SLC44A2: variants seen among roughly 807,000 people sequenced by gnomAD.
SLC44A2 encodes the protein solute carrier family 44 member 2 (CTL2 blood group), also known as choline transporter-like protein 2.
In SLC44A2, 57 loss-of-function variants were observed where a neutral mutation model predicts 90.8. The ratio of observed to expected loss-of-function variants is 0.63; its 90% CI spans 0.51 to 0.78. SLC44A2 has a LOEUF of 0.78. Among genes scored for constraint, SLC44A2 ranks in the 30% least tolerant of loss-of-function variants. The probability of loss-of-function intolerance (pLI) is 0.00; values close to 1 mark genes in which losing one functional copy is unlikely to be tolerated. For missense variants in SLC44A2, 794 were observed against 919.7 expected (o/e 0.86, Z 1.77); for synonymous variants, 355 against 360.7 (o/e 0.98, Z 0.18).
Position 10,637,721 on chromosome 19 carries a change from T to C in SLC44A2, c.1669T>C (p.Phe557Leu), listed in dbSNP as rs553168547. Residue 557 changes from phenylalanine (F) to leucine (L), a missense_variant, in exon 17 of 22, where the codon TTC (phenylalanine) becomes CTC (leucine). Phe to Leu is a conservative substitution (Grantham distance 22). Coordinates refer to ENST00000335757, the MANE Select transcript of SLC44A2 (RefSeq NM_020428.4). ...CTGGTGCCTGGAGAAGTTCATCAAATTCCTTAATAGGAATGCCTACATCAT... is the reference window on the plus strand; with the variant it reads ...CTGGTGCCTGGAGAAGTTCATCAAACTCCTTAATAGGAATGCCTACATCAT... ...CFWCLEKFIK[F>L]LNRNAYIMIA... 6 of 1,614,096 alleles carry C rather than the reference T, an allele frequency of 3.7e-6. No homozygotes were observed. The African/African-American group carries it at 8.0e-5, about 22-fold the overall frequency.
At chr19:10,602,459 C>G (rs1455513357), upstream of SLC44A2, 1 of 1,085,896 alleles carries the variant, frequency 9.2e-7, no homozygotes, top group South Asian at 4.3e-5. Context: ...GGCGCTGCAG[C>G]CCGCGGAGCC....
intron 10 of SLC44A2, among the ~76,000 whole-genome samples, chr19:10,632,906 A>G (rs968881550): frequency 7.9e-5 from 12 of 151,678 alleles, no homozygotes; most frequent in African/African-American, 2.9e-4. Flanking sequence ...TCCTGGCCTC[A>G]GGAGATCTGC....
At position 10,625,597 on chromosome 19, in the gene SLC44A2, G is replaced by A. The variant is rs902126201; in HGVS notation, c.-37G>A. On this transcript the variant is annotated 5_prime_UTR_variant, in exon 1 of 22. Transcript: ENST00000335757. ...GGGAGGGTCGAGGGGGCGCGGGAGA[G>A]AGCGCGGGCGGCCGCCGGGGCTGGT... The A allele has an allele frequency of 9.7e-6, 12 of 1,242,130 alleles. No individual in the cohort carries two copies. Among genetic ancestry groups the A allele is most frequent in the Non-Finnish European group, 1.1e-5 (11 of 989,676 alleles). 76.9% of individuals were successfully genotyped at this position (1,242,130 alleles called of 1,614,324 possible).
chr19:10,604,800 C>T (rs573817367), intron 1 of SLC44A2, among the ~76,000 whole-genome samples: 3 of 152,214 alleles, frequency 2.0e-5, no homozygotes, highest in African/African-American at 4.8e-5. Flanking sequence ...ATGGCTTTCC[C>T]GTGAGCTGAT....
At chr19:10,611,891 A>T (rs139004402) in intron 1 of SLC44A2, among the ~76,000 whole-genome samples, 3 of 152,114 alleles carry the variant, frequency 2.0e-5, no homozygotes, top group African/African-American at 7.2e-5. Context: ...TGGCAGGGGG[A>T]CTAAAAGCTA....
intron 21 of SLC44A2, chr19:10,643,045 C>T (rs2067135551): frequency 6.7e-7 from 1 of 1,494,940 alleles, no homozygotes; most frequent in African/African-American, 1.4e-5. Context: ...GCGTGGGGGC[C>T]AGGTTTCCTC....
chr19:10,622,982 G>A (rs2066903580), upstream of SLC44A2, among the ~76,000 whole-genome samples: 1 of 152,234 alleles, frequency 6.6e-6, no homozygotes, highest in South Asian at 2.1e-4. Flanking sequence ...TCACATAGGT[G>A]TGCAGCTCAG....
In SLC44A2 at chr19:10,643,387, G is replaced by A. The variant is rs2067139234; in HGVS notation, c.*2G>A. On this transcript the variant is annotated 3_prime_UTR_variant, in exon 22 of 22. Coordinates refer to ENST00000335757, the MANE Select transcript of SLC44A2 (RefSeq NM_020428.4). ...AACAAGAAGGCAGCGGAGTCCTGAA[G>A]GCCCCGTGCTCCCCACCTCTCAAGG... 1.2e-6 allele frequency: 2 copies of A among 1,607,578 alleles called. No homozygotes were observed. The highest frequency in any genetic ancestry group is 2.7e-5 in the African/African-American group (2 of 74,908).
intron 21 of SLC44A2, 29 bp downstream of exon 21, chr19:10,642,480 T>A: frequency 1.9e-6 from 3 of 1,604,888 alleles, no homozygotes; most frequent in Non-Finnish European, 2.6e-6. Context: ...CAAACCTTGC[T>A]GGGCCCCGAA....
At chr19:10,642,598 T>A (rs1413924285) in intron 21 of SLC44A2, 147 bp downstream of exon 21, 3 of 810,130 alleles carry the variant, frequency 3.7e-6, no homozygotes, top group East Asian at 2.6e-5. Context: ...CCCCAGCCTG[T>A]CTTCCTGGTT....
chr19:10,617,107 A>G (rs1454483929), intron 1 of SLC44A2, among the ~76,000 whole-genome samples: 2 of 151,722 alleles, frequency 1.3e-5, no homozygotes, highest in African/African-American at 2.4e-5. Flanking sequence ...TTTTTAGTAG[A>G]GACGGGGTTT....
chr19:10,618,516 G>A (rs1210741516), intron 1 of SLC44A2, among the ~76,000 whole-genome samples: 47 of 116,516 alleles, frequency 4.0e-4, no homozygotes, highest in African/African-American at 1.5e-3. Flanking sequence ...GTCGTGCTCT[G>A]TTGCCCAGGC....
At position 10,638,323 on chromosome 19, in the gene SLC44A2, C is replaced by T. The variant is rs1364168074; in HGVS notation, c.1929+8C>T. On this transcript the variant is annotated splice_region_variant and intron_variant, in intron 20 of 21. Transcript: ENST00000335757. ...TACTGGGTTCCTATACTGGTATGGA[C>T]CTCTGGGGAGAGATGGGGGTTTGGG... is the stretch of plus-strand genomic sequence containing the variant. 1.2e-6 allele frequency: 2 copies of T among 1,611,518 alleles called. No homozygotes were observed. Among genetic ancestry groups the T allele is most frequent in the African/African-American group, 2.7e-5 (2 of 74,858 alleles).
In SLC44A2 at chr19:10,636,713, G is replaced by C; in HGVS notation, c.1548G>C (p.Gln516His). ...AFGALILAIV[Q>H]IIRVILEYLD... ...GCGCGCTCATCCTGGCCATTGTGCAGATCATCCGTGTGATACTCGAGTACC... is the reference window on the plus strand; with the variant it reads ...GCGCGCTCATCCTGGCCATTGTGCACATCATCCGTGTGATACTCGAGTACC... The change falls in exon 16 of 22, where the codon CAG becomes CAC. Residue 516 changes from glutamine (Q) to histidine (H), a missense_variant. Coordinates refer to ENST00000335757, the MANE Select transcript of SLC44A2 (RefSeq NM_020428.4). 1 of 1,613,990 alleles carries C rather than the reference G, an allele frequency of 6.2e-7. No homozygotes were observed. The highest frequency in any genetic ancestry group is 8.5e-7 in the Non-Finnish European group (1 of 1,179,968).
At chr19:10,642,822 T>C in intron 21 of SLC44A2, 3 of 1,488,142 alleles carry the variant, frequency 2.0e-6, no homozygotes, top group Non-Finnish European at 2.7e-6. Flanking sequence ...GCTTCCCTGT[T>C]CTTCCCTGCC....
At position 10,637,700 on chromosome 19, in the gene SLC44A2, T is replaced by G. The variant is rs1391902888; in HGVS notation, c.1648T>G (p.Cys550Gly). The part of the protein sequence containing the change: ...LMTCLKCCFW[C>G]LEKFIKFLNR... ...GACCTGTCTCAAATGCTGCTTCTGG[T>G]GCCTGGAGAAGTTCATCAAATTCCT... is the stretch of plus-strand genomic sequence containing the variant. Residue 550 changes from cysteine (C) to glycine (G), a missense_variant, in exon 17 of 22, where the codon TGC becomes GGC. Cys to Gly is a radical substitution (Grantham distance 159). This residue lies in a region of SLC44A2 where 738 missense variants were observed against 841.1 expected (regional missense o/e 0.88). Transcript: ENST00000335757. 1 of 1,614,100 alleles carries G rather than the reference T, an allele frequency of 6.2e-7. No individual in the cohort carries two copies. The highest frequency in any genetic ancestry group is 8.5e-7 in the Non-Finnish European group (1 of 1,180,020).
intron 1 of SLC44A2, among the ~76,000 whole-genome samples, chr19:10,616,890 G>T (rs549277237): frequency 6.6e-6 from 1 of 151,900 alleles, no homozygotes; most frequent in South Asian, 2.1e-4. Flanking sequence ...CTACAGGCAC[G>T]GACCACCACG....
chr19:10,626,175 C>T, intron 1 of SLC44A2, 78 bp from the exon 2 acceptor site: 1 of 1,200,268 alleles, frequency 8.3e-7, no homozygotes, highest in Admixed American at 1.7e-5. Flanking sequence ...CCCCTAGGGG[C>T]TTTTGGGAGG....
chr19:10,618,495 T>C (rs1229838369), intron 1 of SLC44A2, among the ~76,000 whole-genome samples: 2 of 59,502 alleles, frequency 3.4e-5, no homozygotes, highest in Non-Finnish European at 6.2e-5. Context: ...TTTTTTTTTT[T>C]TTGAGACGGA....
Sources: allele counts gnomAD v4.1 joint callset (sites outside exome capture counted in the v4.1 genomes callset), GRCh38; gene constraint gnomAD v4.1.1; regional missense constraint gnomAD v4.1.1; transcripts MANE v1.5; gene names NCBI Gene and HGNC (gene_info 2026-07-23, HGNC 2026-07-21).